The following SLC3A1 variants were observed in gnomAD, a reference collection of about 807,000 sequenced individuals.
SLC3A1 encodes amino acid transporter heavy chain SLC3A1.
A neutral mutation model predicts 60.3 loss-of-function variants in SLC3A1; 78 were observed. The observed-to-expected ratio is 1.29, with a 90% CI of 1.08 to 1.56. The LOEUF (loss-of-function observed/expected upper bound fraction) is 1.56, where lower values mean the gene tolerates loss of function less well. SLC3A1 is among the 40% of genes most tolerant of loss of function. The pLI is 0.00. For missense variants in SLC3A1, 1,172 were observed against 858.9 expected, an observed-to-expected ratio of 1.36 and a Z score of -4.56; for synonymous variants, 392 against 307.9, an observed-to-expected ratio of 1.27 and a Z score of -2.86.
chr2:44,304,428 A>C (rs1672100642), intron 7 of SLC3A1, 90 bp downstream of exon 7: 1 of 975,692 alleles, frequency 1.0e-6, no homozygotes. Context: ...TTTGTCTCTA[A>C]GTGACCATCA....
intron 6 of SLC3A1, among the ~76,000 whole-genome samples, chr2:44,302,302 G>C (rs1672032864): frequency 6.6e-6 from 1 of 151,716 alleles, no homozygotes; most frequent in South Asian, 2.1e-4. Flanking sequence ...CTATAAGGCT[G>C]TTGTGAGATT....
At chr2:44,294,638 T>C (rs1464559635) in intron 4 of SLC3A1, among the ~76,000 whole-genome samples, 1 of 152,218 alleles carries the variant, frequency 6.6e-6, no homozygotes, top group Non-Finnish European at 1.5e-5. Flanking sequence ...CCCTATGTCA[T>C]GCAGCTGGAC....
chr2:44,305,979 C>G (rs1672145163), intron 7 of SLC3A1, among the ~76,000 whole-genome samples: 1 of 152,158 alleles, frequency 6.6e-6, no homozygotes, highest in Non-Finnish European at 1.5e-5. Flanking sequence ...TCTGCTTTCC[C>G]CACTAGACAG....
chr2:44,276,062 A>T, intron 1 of SLC3A1, 97 bp downstream of exon 1: 1 of 1,090,220 alleles, frequency 9.2e-7, no homozygotes, highest in Non-Finnish European at 1.4e-6. Flanking sequence ...GTTGTTCAGT[A>T]AGCACATTCC....
intron 3 of SLC3A1, chr2:44,285,289 T>A (rs990563926): frequency 1.2e-5 from 2 of 166,166 alleles, no homozygotes; most frequent in African/African-American, 2.4e-5. Context: ...TCAAAAAGAT[T>A]TATGTAAAAT....
At position 44,275,707 on chromosome 2, in the gene SLC3A1, G is replaced by C. The variant is rs778336820; in HGVS notation, c.172G>C (p.Asp58His). The C allele has an allele frequency of 2.5e-6, 4 of 1,614,020 alleles. No homozygotes were observed. Among genetic ancestry groups the C allele is most frequent in the Non-Finnish European group, 3.4e-6 (4 of 1,180,006 alleles). Residue 58 changes from aspartate (D) to histidine (H), a missense_variant, in exon 1 of 10, where the codon GAC becomes CAC. Asp to His is a moderately conservative substitution (Grantham distance 81). Transcript: ENST00000260649. ...TRGILGSQEP[D>H]FKGVQPYAGM... ...GGGCATCCTTGGCTCCCAGGAGCCCGACTTCAAGGGCGTCCAGCCCTATGC... is the reference window on the plus strand; with the variant it reads ...GGGCATCCTTGGCTCCCAGGAGCCCCACTTCAAGGGCGTCCAGCCCTATGC...
chr2:44,304,630 TTATGA>T (rs1672106513), intron 7 of SLC3A1, among the ~76,000 whole-genome samples: 1 of 151,982 alleles, frequency 6.6e-6, no homozygotes, highest in African/African-American at 2.4e-5. Context: ...ATCTCAGAGT[TTATGA>T]TGTCAATGGG....
chr2:44,281,313 T>C, intron 2 of SLC3A1, 74 bp from the exon 3 acceptor site: 4 of 1,343,062 alleles, frequency 3.0e-6, no homozygotes, highest in Non-Finnish European at 4.3e-6. Flanking sequence ...CGTTAGCCAT[T>C]ACTGTGCCTG....
intron 4 of SLC3A1, among the ~76,000 whole-genome samples, chr2:44,289,787 T>C (rs761371394): frequency 9.9e-5 from 15 of 152,014 alleles, no homozygotes; most frequent in Non-Finnish European, 2.1e-4. Flanking sequence ...CGCACCACCA[T>C]GCCCAGCTAA....
chr2:44,276,740 C>G (rs1671350927), intron 1 of SLC3A1, among the ~76,000 whole-genome samples: 1 of 151,918 alleles, frequency 6.6e-6, no homozygotes, highest in Non-Finnish European at 1.5e-5. Flanking sequence ...TTTTTAAAAG[C>G]TAAGTTAATT....
chr2:44,313,111 C>CT (rs1558469328), intron 8 of SLC3A1, among the ~76,000 whole-genome samples: 1 of 152,062 alleles, frequency 6.6e-6, no homozygotes, highest in African/African-American at 2.4e-5. Context: ...ACTCATTTCC[C>CT]TCTACTTGAA....
At chr2:44,308,922 CG>C (rs1350986610) in intron 7 of SLC3A1, among the ~76,000 whole-genome samples, 1 of 151,926 alleles carries the variant, frequency 6.6e-6, no homozygotes, top group Non-Finnish European at 1.5e-5. Context: ...TTAGTAGAGA[CG>C]GGGTTTCACC....
At chr2:44,292,691 A>G (rs183621937) in intron 4 of SLC3A1, among the ~76,000 whole-genome samples, 1 of 152,142 alleles carries the variant, frequency 6.6e-6, no homozygotes, top group African/African-American at 2.4e-5. Context: ...CATGGGTGGG[A>G]GTGTTTCCAG....
chr2:44,310,333 T>TA (rs1357914786), intron 7 of SLC3A1, among the ~76,000 whole-genome samples: 1 of 152,232 alleles, frequency 6.6e-6, no homozygotes, highest in Non-Finnish European at 1.5e-5. Context: ...TGTCTTGATT[T>TA]AAAAAATTAT....
At chr2:44,308,618 T>C (rs1672215065) in intron 7 of SLC3A1, among the ~76,000 whole-genome samples, 1 of 152,236 alleles carries the variant, frequency 6.6e-6, no homozygotes, top group African/African-American at 2.4e-5. Flanking sequence ...CATTATTGGA[T>C]TCTTCATTAT....
At chr2:44,290,298 C>T (rs143813259) in intron 4 of SLC3A1, among the ~76,000 whole-genome samples, 15 of 152,210 alleles carry the variant, frequency 9.9e-5, no homozygotes, top group African/African-American at 3.6e-4. Context: ...TATGTCTGTC[C>T]TTATGTCAGT....
Position 44,281,522 on chromosome 2 carries a change from C to T in SLC3A1, c.746C>T (p.Thr249Ile), listed in dbSNP as rs1671499597. ...WHDCTHENGK[T>I]IPPNNWLSVY... ...GACTGTACCCATGAAAATGGCAAAA[C>T]CATTCCACCCAACAACTGGGTAAGT... Residue 249 changes from threonine to isoleucine, a missense_variant, in exon 3 of 10, where the codon ACC becomes ATC. Physicochemically the swap from Thr to Ile is moderately conservative, Grantham distance 89. Coordinates refer to ENST00000260649, the MANE Select transcript of SLC3A1 (RefSeq NM_000341.4). The T allele has an allele frequency of 6.2e-7, 1 of 1,613,874 alleles. No individual in the cohort carries two copies. The highest frequency in any genetic ancestry group is 8.5e-7 in the Non-Finnish European group (1 of 1,179,964).
At chr2:44,294,122 G>C (rs1671797469) in intron 4 of SLC3A1, among the ~76,000 whole-genome samples, 1 of 152,150 alleles carries the variant, frequency 6.6e-6, no homozygotes, top group Non-Finnish European at 1.5e-5. Context: ...CCAAGGGGCA[G>C]GGTATAACGG....
chr2:44,317,897 A>G (rs184806289), intron 9 of SLC3A1: 149 of 225,892 alleles, frequency 6.6e-4, no homozygotes, highest in Admixed American at 1.9e-3. Flanking sequence ...CTCAGATAAC[A>G]AAAACAGACA....
Sources: allele counts gnomAD v4.1 joint callset (sites outside exome capture counted in the v4.1 genomes callset), GRCh38; gene constraint gnomAD v4.1.1; transcripts MANE v1.5; gene names NCBI Gene and HGNC (gene_info 2026-07-23, HGNC 2026-07-21).